The following PECR variants were observed in gnomAD, a reference collection of about 807,000 sequenced individuals.
PECR encodes peroxisomal trans-2-enoyl-CoA reductase.
Under a neutral mutation model 35.3 loss-of-function variants are expected in PECR, and 30 were observed. The observed-to-expected ratio is 0.85, with a 90% CI of 0.64 to 1.15. The LOEUF (loss-of-function observed/expected upper bound fraction) is 1.15, where lower values mean the gene tolerates loss of function less well. Among genes scored for constraint, PECR ranks in the 50% most tolerant of loss-of-function variants. The probability of loss-of-function intolerance (pLI) is 0.00; values close to 1 mark genes in which losing one functional copy is unlikely to be tolerated. For synonymous variants in PECR, 148 were observed against 138.9 expected, an observed-to-expected ratio of 1.07 and a Z score of -0.46; for missense variants, 392 against 370.8, an observed-to-expected ratio of 1.06 and a Z score of -0.47.
rs1485010166 is a variant in PECR at position 216,070,652 on chromosome 2, GGAA to G, written c.125-4137_125-4135del. On this transcript the variant is annotated intron_variant, in intron 1 of 7. Coordinates refer to ENST00000265322, the MANE Select transcript of PECR (RefSeq NM_018441.6). Reference sequence around the variant, plus strand: ...AACTGTTTTAAAGGAAGGGGCCAGGGGAAGAAGAAGAGGGTTCCCTGCTTCTAC... The same window carrying G: ...AACTGTTTTAAAGGAAGGGGCCAGGGGAAGAAGAGGGTTCCCTGCTTCTAC... Among the ~76,000 whole-genome samples the G allele has an allele frequency of 6.6e-5, 10 of 152,308 alleles. 1 individual carries two copies. The East Asian group carries it at 7.7e-4, about 12-fold the overall frequency.
At chr2:216,065,503 A>G (rs757597240) in intron 2 of PECR, 26 bp from the exon 3 acceptor site, 36 of 1,458,176 alleles carry the variant, frequency 2.5e-5, no homozygotes, top group Middle Eastern at 1.7e-4. Context: ...AGAAGTTACT[A>G]AAAGGAAAAG....
intron 4 of PECR, among the ~76,000 whole-genome samples, chr2:216,052,679 C>A (rs1172779244): frequency 2.0e-5 from 3 of 152,136 alleles, no homozygotes. Context: ...GTGCCTTGTA[C>A]ACTTTTCTTC....
At chr2:216,064,905 G>A (rs1695433207) in intron 3 of PECR, among the ~76,000 whole-genome samples, 1 of 152,142 alleles carries the variant, frequency 6.6e-6, no homozygotes, top group Non-Finnish European at 1.5e-5. Context: ...GACTATGTAT[G>A]CATGCTAATT....
In PECR at chr2:216,081,673, G is replaced by T; in HGVS notation, c.69C>A (p.Val23=). Reference sequence around the variant, plus strand: ...TTCCGATGCCCGTGGCCCCGCCGGTGACGATGGCCACTTGGCCCTGCAGCA... The same window carrying T: ...TTCCGATGCCCGTGGCCCCGCCGGTTACGATGGCCACTTGGCCCTGCAGCA... ...PGLLQGQVAI[V]TGGATGIGKA... is the part of the protein sequence containing the mutation. The change falls in exon 1 of 8, where the codon GTC becomes GTA. Residue 23 remains valine, a synonymous_variant. Coordinates refer to ENST00000265322, the MANE Select transcript of PECR (RefSeq NM_018441.6). The T allele has an allele frequency of 6.2e-7, 1 of 1,613,696 alleles. No individual in the cohort carries two copies. The highest frequency in any genetic ancestry group is 1.1e-5 in the South Asian group (1 of 91,088).
At chr2:216,052,349 G>T (rs1695131763) in intron 4 of PECR, among the ~76,000 whole-genome samples, 1 of 152,120 alleles carries the variant, frequency 6.6e-6, no homozygotes, top group Admixed American at 6.5e-5. Flanking sequence ...AAATCAGCTG[G>T]TAAAAAACAG....
At chr2:216,043,876 G>A (rs1318190663) in intron 7 of PECR, 28 bp downstream of exon 7, 1 of 1,158,888 alleles carries the variant, frequency 8.6e-7, no homozygotes, top group Non-Finnish European at 1.3e-6. Flanking sequence ...GCATAAAGCT[G>A]GTGACTGCTC....
chr2:216,059,221 C>T (rs1303344627), intron 3 of PECR, among the ~76,000 whole-genome samples: 1 of 152,202 alleles, frequency 6.6e-6, no homozygotes, highest in African/African-American at 2.4e-5. Context: ...GAGAACCTTT[C>T]CATCACCCCA....
At chr2:216,045,493 T>C (rs926255909) in intron 6 of PECR, among the ~76,000 whole-genome samples, 2 of 152,258 alleles carry the variant, frequency 1.3e-5, no homozygotes, top group African/African-American at 4.8e-5. Context: ...GAAATGACGA[T>C]GTTTTGGATG....
intron 7 of PECR, among the ~76,000 whole-genome samples, chr2:216,029,287 C>T (rs950366494): frequency 8.6e-5 from 13 of 151,948 alleles, no homozygotes; most frequent in African/African-American, 2.9e-4. Context: ...AGACCATCGT[C>T]GCCAACATGG....
intron 6 of PECR, 103 bp from the exon 7 acceptor site, chr2:216,044,118 C>T: frequency 1.4e-6 from 1 of 703,790 alleles, no homozygotes. Flanking sequence ...ATGATTGTAA[C>T]ATGAATCCAA....
intron 4 of PECR, among the ~76,000 whole-genome samples, chr2:216,056,120 T>TC (rs1695220211): frequency 6.6e-6 from 1 of 152,142 alleles, no homozygotes; most frequent in African/African-American, 2.4e-5. Flanking sequence ...AGTTGTAGAC[T>TC]CCCTCAGAGT....
intron 7 of PECR, among the ~76,000 whole-genome samples, chr2:216,043,134 G>A (rs750179531): frequency 6.8e-6 from 1 of 147,802 alleles, no homozygotes; most frequent in Non-Finnish European, 1.5e-5. Flanking sequence ...TGAGATAAGA[G>A]TCTCACTCTG....
At chr2:216,036,409 A>G (rs1379123712), downstream of PECR, among the ~76,000 whole-genome samples, 2 of 152,238 alleles carry the variant, frequency 1.3e-5, no homozygotes, top group Non-Finnish European at 2.9e-5. Flanking sequence ...CTGGTGCCAA[A>G]GAGGGAGGCT....
chr2:216,079,812 T>C (rs1377632466), intron 1 of PECR, among the ~76,000 whole-genome samples: 1 of 149,528 alleles, frequency 6.7e-6, no homozygotes, highest in Non-Finnish European at 1.5e-5. Context: ...AGAAACCCCA[T>C]CTCTACTAAA....
intron 1 of PECR, among the ~76,000 whole-genome samples, chr2:216,078,186 T>C (rs1695750564): frequency 6.6e-6 from 1 of 152,088 alleles, no homozygotes; most frequent in Non-Finnish European, 1.5e-5. Context: ...ATGCCTGTAA[T>C]CCTAGCACTT....
chr2:216,061,970 A>G (rs1172349644), intron 3 of PECR, among the ~76,000 whole-genome samples: 4 of 150,446 alleles, frequency 2.7e-5, no homozygotes, highest in African/African-American at 7.3e-5. Flanking sequence ...GTGTGTGAGT[A>G]TGTGTGTGTG....
intron 1 of PECR, among the ~76,000 whole-genome samples, chr2:216,071,354 T>A (rs543405895): frequency 2.0e-5 from 3 of 152,252 alleles, no homozygotes; most frequent in Non-Finnish European, 4.4e-5. Flanking sequence ...GGGGTAAACT[T>A]CTCATTGATA....
chr2:216,064,529 T>C (rs1695423898), intron 3 of PECR, among the ~76,000 whole-genome samples: 1 of 152,242 alleles, frequency 6.6e-6, no homozygotes, highest in Admixed American at 6.5e-5. Context: ...CTTCAGTTCC[T>C]AATGATTATG....
chr2:216,035,646 C>T (rs564924208), downstream of PECR, among the ~76,000 whole-genome samples: 16 of 152,126 alleles, frequency 1.1e-4, no homozygotes, highest in East Asian at 1.2e-3. Flanking sequence ...GCCACCAGGC[C>T]GGCTAATTTT....
Sources: gnomAD v4.1 joint callset for allele counts (sites outside exome capture counted in the v4.1 genomes callset) on GRCh38, gnomAD v4.1.1 for gene constraint, MANE v1.5 for transcripts, NCBI Gene and HGNC (gene_info 2026-07-23, HGNC 2026-07-21) for gene names.